Variants in FNBP4 observed in about 807,000 individuals in gnomAD.
FNBP4 encodes the protein formin binding protein 4.
In FNBP4, 34 loss-of-function variants were observed where a neutral mutation model predicts 119.3. The observed-to-expected ratio is 0.28, with a 90% CI of 0.22 to 0.38. The LOEUF (loss-of-function observed/expected upper bound fraction) is 0.38. Among genes scored for constraint, FNBP4 ranks in the 10% least tolerant of loss-of-function variants. The pLI is 1.00. For missense variants in FNBP4, 1,112 were observed against 1,228.9 expected (o/e 0.90, Z 1.42); for synonymous variants, 462 against 430.6 (o/e 1.07, Z -0.90).
chr11:47,749,914 C>T (rs972995921), intron 6 of FNBP4, among the ~76,000 whole-genome samples: 2 of 152,094 alleles, frequency 1.3e-5, no homozygotes, highest in Non-Finnish European at 2.9e-5. Flanking sequence ...AAATACTCAA[C>T]CTGCAGTAGT....
chr11:47,732,149 T>C lies in FNBP4; in HGVS notation c.1820+388A>G. 1 of 1,011,346 alleles carries C rather than the reference T, an allele frequency of 9.9e-7. No homozygotes were observed. The highest frequency in any genetic ancestry group is 1.2e-6 in the Non-Finnish European group (1 of 847,128). The allele number at this position is 1,011,346 out of a possible 1,614,324, so 62.6% of individuals were successfully genotyped here. A position where few individuals can be genotyped will look rare whatever the true frequency, so the allele number is the denominator to read the frequency against. ...CAGAGGATAGTAATCTTGTTCTTCA[T>C]TCACATCTTCAGCCACGAAGTTTTC... On this transcript the variant is annotated intron_variant, in intron 11 of 16. Transcript: ENST00000263773. The surrounding 1 kb of genome is among the most constrained non-coding windows in gnomAD (Gnocchi z 4.2).
Position 47,738,847 on chromosome 11 carries a change from A to ATTTTTTTTTT in FNBP4, c.1457-2117_1457-2108dup, listed in dbSNP as rs71045510. ...AGGTGTTTGCCACCATGCCCAGGTA[A>ATTTTTTTTTT]TTTTTTTTTTTTTTTTTTTTTTTTT... On this transcript the variant is annotated intron_variant, in intron 8 of 16. Coordinates refer to ENST00000263773, the MANE Select transcript of FNBP4 (RefSeq NM_015308.5). Among the ~76,000 whole-genome samples, 109 of 110,966 alleles carry ATTTTTTTTTT rather than the reference A, an allele frequency of 9.8e-4. 8 individuals are homozygous for ATTTTTTTTTT. Among genetic ancestry groups the ATTTTTTTTTT allele is most frequent in the East Asian group, 5.1e-3 (18 of 3,554 alleles). 72.8% of individuals were successfully genotyped at this position (110,966 alleles called of 152,430 possible). A position where few individuals can be genotyped will look rare whatever the true frequency, so the allele number is the denominator to read the frequency against.
At chr11:47,758,844 C>T (rs756355481) in intron 2 of FNBP4, among the ~76,000 whole-genome samples, 2 of 150,488 alleles carry the variant, frequency 1.3e-5, no homozygotes, top group East Asian at 2.0e-4. Context: ...GGTGACAGGG[C>T]GAGACTCCGT....
intron 16 of FNBP4, among the ~76,000 whole-genome samples, chr11:47,719,319 G>A (rs1215137010): frequency 6.6e-6 from 1 of 152,210 alleles, no homozygotes; most frequent in Non-Finnish European, 1.5e-5. Context: ...TTCTAGTCAA[G>A]CAAGGTAGTG....
At chr11:47,722,919 A>C (rs1011622656) in intron 15 of FNBP4, 57 bp downstream of exon 15, 2 of 1,441,186 alleles carry the variant, frequency 1.4e-6, no homozygotes, top group Non-Finnish European at 1.8e-6. Context: ...TGTTATGTGA[A>C]TATAACCTCA....
At chr11:47,756,638 T>C (rs911496212) in intron 2 of FNBP4, among the ~76,000 whole-genome samples, 4 of 152,154 alleles carry the variant, frequency 2.6e-5, no homozygotes, top group African/African-American at 7.2e-5. Flanking sequence ...GTTGGTGTGC[T>C]GCACCCATTA....
At chr11:47,725,424 ACTATAT>A (rs2097559916) in intron 12 of FNBP4, 1 of 152,236 alleles carries the variant, frequency 6.6e-6, no homozygotes, top group South Asian at 2.1e-4. Flanking sequence ...GCTACTGTCA[ACTATAT>A]CATTCCTTCA....
chr11:47,767,169 G>T lies in FNBP4; in HGVS notation c.120C>A (p.Asp40Glu). ...DPEPEPDTEP[D>E]STAAVPSQPA... Reference sequence around the variant, plus strand: ...GCTGGCTGGGGACCGCCGCGGTTGAGTCCGGCTCAGTGTCGGGTTCCGGCT... The same window carrying T: ...GCTGGCTGGGGACCGCCGCGGTTGATTCCGGCTCAGTGTCGGGTTCCGGCT... The change falls in exon 1 of 17, where the codon GAC becomes GAA. Residue 40 changes from aspartate to glutamate, a missense_variant. By Grantham distance (45) the Asp-to-Glu change is conservative (BLOSUM62 2). This residue lies in a region of FNBP4 where 286 missense variants were observed against 240.1 expected (regional missense o/e 1.19). Coordinates refer to ENST00000263773, the MANE Select transcript of FNBP4 (RefSeq NM_015308.5). 6.4e-7 allele frequency: 1 copy of T among 1,554,838 alleles called. No individual in the cohort carries two copies. The highest frequency in any genetic ancestry group is 8.7e-7 in the Non-Finnish European group (1 of 1,155,318).
At chr11:47,744,214 G>A in intron 7 of FNBP4, 51 bp from the exon 8 acceptor site, 1 of 1,401,214 alleles carries the variant, frequency 7.1e-7, no homozygotes, top group Non-Finnish European at 1.0e-6. Flanking sequence ...TTATTAATAT[G>A]TATAATCAGA....
At chr11:47,741,981 C>T (rs143258711) in intron 8 of FNBP4, among the ~76,000 whole-genome samples, 9 of 152,004 alleles carry the variant, frequency 5.9e-5, no homozygotes, top group East Asian at 3.9e-4. Context: ...GAGTTAAATA[C>T]GCACATCTAC....
intron 2 of FNBP4, among the ~76,000 whole-genome samples, chr11:47,757,025 T>C (rs1274134227): frequency 1.3e-5 from 2 of 152,210 alleles, no homozygotes; most frequent in South Asian, 2.1e-4. Context: ...TGTGTCTTTA[T>C]AGCAGCATGA....
intron 3 of FNBP4, among the ~76,000 whole-genome samples, chr11:47,754,054 A>G (rs868259651): frequency 6.6e-6 from 1 of 150,848 alleles, no homozygotes; most frequent in South Asian, 2.1e-4. Flanking sequence ...AAAATACAAA[A>G]ATCAGCTGGG....
intron 12 of FNBP4, among the ~76,000 whole-genome samples, chr11:47,727,733 C>G (rs1014007849): frequency 6.6e-6 from 1 of 152,150 alleles, no homozygotes; most frequent in African/African-American, 2.4e-5. Flanking sequence ...CTTTATCTTA[C>G]GAAGACCATC....
intron 15 of FNBP4, among the ~76,000 whole-genome samples, chr11:47,721,752 G>A (rs1251698866): frequency 6.6e-6 from 1 of 151,678 alleles, no homozygotes; most frequent in Non-Finnish European, 1.5e-5. Context: ...CGTTTCAAAA[G>A]GTGGTATTTG....
intron 13 of FNBP4, 70 bp from the exon 14 acceptor site, chr11:47,724,242 T>G: frequency 6.3e-7 from 1 of 1,575,918 alleles, no homozygotes; most frequent in Non-Finnish European, 8.6e-7. Context: ...CACCTCCTTT[T>G]TTTGAGACAG....
chr11:47,720,846 G>A (rs976863654), intron 15 of FNBP4, among the ~76,000 whole-genome samples: 4 of 151,676 alleles, frequency 2.6e-5, no homozygotes, highest in Non-Finnish European at 4.4e-5. Flanking sequence ...GGGCGGTGGC[G>A]GCGGCGGTGG....
chr11:47,734,016 AAG>A lies in FNBP4; in HGVS notation c.1686+7_1686+8del. 1.4e-6 allele frequency: 2 copies of A among 1,433,282 alleles called. No homozygotes were observed. Among genetic ancestry groups the A allele is most frequent in the East Asian group, 2.4e-5 (1 of 42,170 alleles). 88.8% of individuals were successfully genotyped at this position (1,433,282 alleles called of 1,614,324 possible). ...TGTTTATGCCAAAAAAAAAAAAAAA[AAG>A]ACTTACCTCAGTCTGTAAGAGCAGC... On this transcript the variant is annotated splice_region_variant and intron_variant, in intron 10 of 16. Transcript: ENST00000263773.
rs1406128135 is a variant in FNBP4 at position 47,731,218 on chromosome 11, C to G, written c.2008+156G>C. The G allele has an allele frequency of 3.0e-5, 19 of 638,614 alleles. No homozygotes were observed. The South Asian group carries it at 5.7e-4, about 19-fold the overall frequency. The allele number at this position is 638,614 out of a possible 1,614,324, so 39.6% of individuals were successfully genotyped here. A position where few individuals can be genotyped will look rare whatever the true frequency, so the allele number is the denominator to read the frequency against. On this transcript the variant is annotated intron_variant, in intron 12 of 16. Coordinates refer to ENST00000263773, the MANE Select transcript of FNBP4 (RefSeq NM_015308.5). ...ATAACAATAGTATGCTGATTTCCAA[C>G]CATAATAACTCATGCATTCCTTGTT...
At chr11:47,752,159 C>A (rs1371632636) in intron 4 of FNBP4, among the ~76,000 whole-genome samples, 3 of 152,056 alleles carry the variant, frequency 2.0e-5, no homozygotes, top group African/African-American at 7.2e-5. Flanking sequence ...CGCGGTGGCT[C>A]AAACCTGTAA....
Sources: gnomAD v4.1 joint callset for allele counts (sites outside exome capture counted in the v4.1 genomes callset) on GRCh38, gnomAD v4.1.1 for gene constraint, gnomAD v4.1.1 regional missense constraint, Gnocchi (gnomAD v3.1) non-coding constraint, MANE v1.5 for transcripts, NCBI Gene and HGNC (gene_info 2026-07-23, HGNC 2026-07-21) for gene names.